Variants in ST7L observed in about 807,000 individuals in gnomAD.
ST7L encodes the protein suppression of tumorigenicity 7 like, also known as suppressor of tumorigenicity 7 protein-like.
In ST7L, 57 loss-of-function variants were observed where a neutral mutation model predicts 72.5. The observed-to-expected ratio is 0.79, with a 90% CI of 0.64 to 0.98. ST7L has a LOEUF of 0.98. ST7L is among the 50% of genes least tolerant of loss of function. The probability of loss-of-function intolerance (pLI) is 0.00; values close to 1 mark genes in which losing one functional copy is unlikely to be tolerated. For synonymous variants in ST7L, 221 were observed against 240.9 expected, an observed-to-expected ratio of 0.92 and a Z score of 0.77; for missense variants, 576 against 672.2, an observed-to-expected ratio of 0.86 and a Z score of 1.58.
chr1:112,619,407 G>C (rs1254360523), upstream of ST7L: 6 of 464,608 alleles, frequency 1.3e-5, no homozygotes, highest in African/African-American at 4.1e-5. Flanking sequence ...CTTTCACACC[G>C]CCCCCCCCCC....
chr1:112,614,952 A>G, intron 2 of ST7L, among the ~76,000 whole-genome samples: 1 of 152,312 alleles, frequency 6.6e-6, no homozygotes, highest in East Asian at 1.9e-4. Context: ...TTTTTTTTAA[A>G]TTAAAAATAT....
chr1:112,541,720 T>C (rs536376101), intron 14 of ST7L: 2 of 1,096,990 alleles, frequency 1.8e-6, no homozygotes, highest in Admixed American at 8.3e-5. Context: ...TTTATAATGT[T>C]ATATTGTTAC....
At chr1:112,616,439 T>G (rs1012215967) in intron 2 of ST7L, among the ~76,000 whole-genome samples, 3 of 152,158 alleles carry the variant, frequency 2.0e-5, no homozygotes, top group Non-Finnish European at 4.4e-5. Context: ...TTATAATTAT[T>G]ATAACCATAT....
intron 9 of ST7L, among the ~76,000 whole-genome samples, chr1:112,579,922 A>C (rs960511566): frequency 6.6e-6 from 1 of 152,214 alleles, no homozygotes; most frequent in African/African-American, 2.4e-5. Context: ...GCTCATCATA[A>C]GTATTATAAG....
At chr1:112,605,940 T>C (rs1231451715) in intron 3 of ST7L, among the ~76,000 whole-genome samples, 1 of 152,218 alleles carries the variant, frequency 6.6e-6, no homozygotes, top group African/African-American at 2.4e-5. Flanking sequence ...TTCCTTTTCT[T>C]TGAAGTCAAT....
intron 3 of ST7L, among the ~76,000 whole-genome samples, chr1:112,601,480 C>T (rs949921585): frequency 1.1e-4 from 17 of 151,950 alleles, no homozygotes; most frequent in African/African-American, 4.1e-4. Flanking sequence ...CTCCTGACCT[C>T]GTGATCCGCC....
chr1:112,550,629 T>C lies in ST7L; in HGVS notation c.1461A>G (p.Thr487=), dbSNP rs1350395296. 1 of 1,613,406 alleles carries C rather than the reference T, an allele frequency of 6.2e-7. No individual in the cohort carries two copies. The highest frequency in any genetic ancestry group is 2.2e-5 in the East Asian group (1 of 44,788). ...GTAATAGCTCTCTATCAGCCGTCTC[T>C]GTGCAGCTGGGATAAGGGTAAAATA... ...GHLFYPYPSC[T]ETADRELLPT... The change falls in exon 13 of 15, where the codon ACA becomes ACG. Residue 487 remains threonine, a synonymous_variant. Transcript: ENST00000358039.
chr1:112,543,287 C>T (rs981017653), intron 13 of ST7L, among the ~76,000 whole-genome samples: 6 of 152,218 alleles, frequency 3.9e-5, no homozygotes, highest in African/African-American at 1.2e-4. Context: ...CAGTGGCTCA[C>T]GCCTGTAATC....
At position 112,574,466 on chromosome 1, in the gene ST7L, T is replaced by C. The variant is rs113597580; in HGVS notation, c.1245+2520A>G. On this transcript the variant is annotated intron_variant, in intron 11 of 14. Coordinates refer to ENST00000358039, the MANE Select transcript of ST7L (RefSeq NM_017744.5). ...CAAGGTCAGGAGATCGAGACCATCC[T>C]GGCTAACACTGTGAAACCTCGTCTC... 2.9e-3 allele frequency among the ~76,000 whole-genome samples: 435 copies of C among 151,830 alleles called. 2 individuals are homozygous for C. Among genetic ancestry groups the C allele is most frequent in the African/African-American group, 9.4e-3 (391 of 41,426 alleles).
downstream of ST7L, among the ~76,000 whole-genome samples, chr1:112,519,872 C>CTTCTTTT (rs10634267): frequency 1.7e-3 from 199 of 115,610 alleles, 2 homozygotes; most frequent in African/African-American, 4.8e-3. Flanking sequence ...GCCCATGCTT[C>CTTCTTTT]TTTTTTTTTT....
chr1:112,619,278 TTGGGGCTACCTGTTCTTTCG>T (rs2101120775), upstream of ST7L: 1 of 661,124 alleles, frequency 1.5e-6, no homozygotes, highest in East Asian at 2.7e-5. Context: ...TGTCTCAAGA[TTGGGGCTACCTGTTCTTTCG>T]TGGGGCAGGG....
chr1:112,557,403 T>C (rs189314260), intron 11 of ST7L, among the ~76,000 whole-genome samples: 1 of 152,244 alleles, frequency 6.6e-6, no homozygotes, highest in African/African-American at 2.4e-5. Context: ...GTTTGTAGCA[T>C]GCATGGGTAC....
chr1:112,550,703 A>G lies in ST7L; in HGVS notation c.1397-10T>C. The G allele has an allele frequency of 6.2e-7, 1 of 1,604,434 alleles. No individual in the cohort carries two copies. Among genetic ancestry groups the G allele is most frequent in the African/African-American group, 1.3e-5 (1 of 74,878 alleles). On this transcript the variant is annotated splice_polypyrimidine_tract_variant and intron_variant, in intron 12 of 14. Transcript: ENST00000358039. Reference sequence around the variant, plus strand: ...GGAATCATTCTAAAAGCTGAGGAAAAAAAAGCATGTGTTGATACTCAATTC... The same window carrying G: ...GGAATCATTCTAAAAGCTGAGGAAAGAAAAGCATGTGTTGATACTCAATTC...
intron 12 of ST7L, among the ~76,000 whole-genome samples, chr1:112,553,661 C>T (rs1034749965): frequency 6.6e-6 from 1 of 152,122 alleles, no homozygotes; most frequent in African/African-American, 2.4e-5. Context: ...TACAACTTCT[C>T]AAAACTTGGA....
chr1:112,532,842 T>C (rs1324505012), intron 14 of ST7L, among the ~76,000 whole-genome samples: 1 of 152,186 alleles, frequency 6.6e-6, no homozygotes, highest in Non-Finnish European at 1.5e-5. Context: ...CAATATTTTA[T>C]TGAGGCCTCA....
At chr1:112,530,556 A>G (rs765461154) in intron 14 of ST7L, among the ~76,000 whole-genome samples, 10 of 152,078 alleles carry the variant, frequency 6.6e-5, no homozygotes, top group Non-Finnish European at 8.8e-5. Flanking sequence ...CTGGGATTAC[A>G]GGCGCCTGCC....
chr1:112,538,459 T>C (rs1655556353), intron 14 of ST7L, among the ~76,000 whole-genome samples: 1 of 152,136 alleles, frequency 6.6e-6, no homozygotes, highest in Admixed American at 6.6e-5. Flanking sequence ...CCTCCCATTT[T>C]AGCCCCCTGA....
intron 11 of ST7L, among the ~76,000 whole-genome samples, chr1:112,564,473 C>A (rs1019782779): frequency 6.6e-6 from 1 of 152,158 alleles, no homozygotes; most frequent in Admixed American, 6.5e-5. Flanking sequence ...TCCCTTTTAT[C>A]TTTTATATAT....
chr1:112,540,672 A>G (rs1235400067), intron 14 of ST7L: 9 of 1,182,560 alleles, frequency 7.6e-6, no homozygotes, highest in Non-Finnish European at 9.5e-6. Context: ...AAAAAAGCCA[A>G]CTAATCTTTA....
Sources: gnomAD v4.1 joint callset for allele counts (sites outside exome capture counted in the v4.1 genomes callset) on GRCh38, gnomAD v4.1.1 for gene constraint, MANE v1.5 for transcripts, NCBI Gene and HGNC (gene_info 2026-07-23, HGNC 2026-07-21) for gene names.